The following TRHDE variants were observed in gnomAD, a reference collection of about 807,000 sequenced individuals.
TRHDE encodes the protein thyrotropin releasing hormone degrading enzyme.
Under a neutral mutation model 125.7 loss-of-function variants are expected in TRHDE, and 72 were observed. The ratio of observed to expected loss-of-function variants is 0.57; its 90% CI spans 0.47 to 0.70. The LOEUF is 0.70. TRHDE is among the 30% of genes least tolerant of loss of function. TRHDE has a pLI of 0.00. For missense variants in TRHDE, 1,110 were observed against 1,327.1 expected, an observed-to-expected ratio of 0.84 and a Z score of 2.54; for synonymous variants, 509 against 509.1, an observed-to-expected ratio of 1.00 and a Z score of 0.00.
chr12:72,643,885 A>G (rs1874170911), intron 15 of TRHDE, among the ~76,000 whole-genome samples: 2 of 152,328 alleles, frequency 1.3e-5, no homozygotes. Context: ...AGTAATTAAA[A>G]AAAGTTACAG....
intron 2 of TRHDE, among the ~76,000 whole-genome samples, chr12:72,194,574 T>G (rs984307201): frequency 6.6e-6 from 1 of 152,134 alleles, no homozygotes; most frequent in Non-Finnish European, 1.5e-5. Context: ...GTTGCCATCT[T>G]TATGTCCATG....
In TRHDE at chr12:72,475,827, T is replaced by TA. The variant is rs947682336; in HGVS notation, c.1584+2653dup. Among the ~76,000 whole-genome samples the TA allele has an allele frequency of 3.5e-4, 54 of 152,306 alleles. 1 individual carries two copies. Among genetic ancestry groups the TA allele is most frequent in the African/African-American group, 1.3e-3 (54 of 41,568 alleles). On this transcript the variant is annotated intron_variant, in intron 5 of 18. Coordinates refer to ENST00000261180, the MANE Select transcript of TRHDE (RefSeq NM_013381.3). ...TCACAGAAAACTCATCCTATTAAAG[T>TA]AAAAAATGAAATAATAAACTCCATC...
intron 2 of TRHDE, among the ~76,000 whole-genome samples, chr12:72,211,286 A>T (rs958610972): frequency 3.3e-5 from 5 of 152,158 alleles, no homozygotes; most frequent in African/African-American, 1.2e-4. Flanking sequence ...CATGAGGATG[A>T]AGGGCTTCAT....
rs577396957 is a variant in TRHDE at position 72,289,044 on chromosome 12, T to G, written c.1188+2090T>G. Among the ~76,000 whole-genome samples the G allele has an allele frequency of 5.3e-5, 8 of 152,304 alleles. No homozygotes were observed. The South Asian group carries it at 1.2e-3, about 24-fold the overall frequency. On this transcript the variant is annotated intron_variant, in intron 2 of 18. Transcript: ENST00000261180. ...CCTTTTTTCTGTCACTGTTTTGAAATCCAATCTGTTTTCTTTTCACTGCCT... is the reference window on the plus strand; with the variant it reads ...CCTTTTTTCTGTCACTGTTTTGAAAGCCAATCTGTTTTCTTTTCACTGCCT...
chr12:72,645,601 G>T (rs1253619589), intron 15 of TRHDE, among the ~76,000 whole-genome samples: 1 of 151,884 alleles, frequency 6.6e-6, no homozygotes, highest in East Asian at 1.9e-4. Flanking sequence ...AGAACGAAAT[G>T]GACATTCAGA....
At chr12:72,482,609 G>A (rs771177800) in intron 5 of TRHDE, among the ~76,000 whole-genome samples, 1 of 151,856 alleles carries the variant, frequency 6.6e-6, no homozygotes, top group Non-Finnish European at 1.5e-5. Context: ...AGCTTTGCTT[G>A]CAAGATAGGT....
intron 2 of TRHDE, among the ~76,000 whole-genome samples, chr12:72,138,272 G>A (rs1224769092): frequency 1.3e-5 from 2 of 152,156 alleles, no homozygotes; most frequent in Non-Finnish European, 2.9e-5. Context: ...CTACTCCGGA[G>A]GCTGAGGCAG....
intron 1 of TRHDE, among the ~76,000 whole-genome samples, chr12:72,093,509 T>C (rs923183542): frequency 1.3e-5 from 2 of 152,068 alleles, no homozygotes; most frequent in Admixed American, 6.5e-5. Flanking sequence ...TTTTACTCCT[T>C]TTCATTCTTT....
At chr12:72,456,371 T>C (rs1875853767) in intron 3 of TRHDE, among the ~76,000 whole-genome samples, 1 of 152,152 alleles carries the variant, frequency 6.6e-6, no homozygotes, top group African/African-American at 2.4e-5. Context: ...TGGACCTCTG[T>C]ATTTTAATAT....
chr12:72,523,129 C>T (rs1184879922), intron 6 of TRHDE, among the ~76,000 whole-genome samples: 2 of 151,806 alleles, frequency 1.3e-5, no homozygotes, highest in Non-Finnish European at 2.9e-5. Flanking sequence ...AGAAACTTGT[C>T]GCAAGTAAAA....
At chr12:72,267,942 C>A (rs141910939), upstream of TRHDE, among the ~76,000 whole-genome samples, 1 of 144,002 alleles carries the variant, frequency 6.9e-6, no homozygotes, top group Non-Finnish European at 1.5e-5. Flanking sequence ...AAGGGTAGTT[C>A]TTATATGAAA....
chr12:72,241,509 A>T (rs772418733), intron 2 of TRHDE, among the ~76,000 whole-genome samples: 1 of 152,182 alleles, frequency 6.6e-6, no homozygotes, highest in East Asian at 1.9e-4. Context: ...TTTATTATAA[A>T]TATGTACCAC....
intron 6 of TRHDE, among the ~76,000 whole-genome samples, chr12:72,523,447 T>G (rs912667892): frequency 6.6e-6 from 1 of 152,158 alleles, no homozygotes; most frequent in Non-Finnish European, 1.5e-5. Flanking sequence ...GTGATGTGGA[T>G]GTTTGCTTAG....
intron 2 of TRHDE, among the ~76,000 whole-genome samples, chr12:72,349,152 A>G (rs769473692): frequency 6.6e-6 from 1 of 152,070 alleles, no homozygotes; most frequent in Non-Finnish European, 1.5e-5. Flanking sequence ...ATAAAGTTGA[A>G]TTTAGCTAAG....
At chr12:72,409,113 C>T (rs892917057) in intron 3 of TRHDE, among the ~76,000 whole-genome samples, 1 of 152,062 alleles carries the variant, frequency 6.6e-6, no homozygotes, top group Admixed American at 6.5e-5. Context: ...CAGTGCACCA[C>T]ATACAAGTTA....
intron 3 of TRHDE, among the ~76,000 whole-genome samples, chr12:72,452,503 CCTTGT>C (rs1565747155): frequency 2.0e-5 from 3 of 152,068 alleles, no homozygotes; most frequent in African/African-American, 7.2e-5. Context: ...GTGTGGGCAT[CCTTGT>C]CTTGTTCTGG....
intron 15 of TRHDE, among the ~76,000 whole-genome samples, chr12:72,643,973 G>C (rs1565821654): frequency 6.6e-6 from 1 of 152,168 alleles, no homozygotes; most frequent in Non-Finnish European, 1.5e-5. Flanking sequence ...TCACTGGTTA[G>C]GCCCAGGTCA....
chr12:72,638,949 A>T (rs1218425821), intron 15 of TRHDE, among the ~76,000 whole-genome samples: 3 of 151,096 alleles, frequency 2.0e-5, no homozygotes, highest in Non-Finnish European at 4.4e-5. Context: ...TTTTTCCTTC[A>T]TTTCAACTTT....
intron 6 of TRHDE, among the ~76,000 whole-genome samples, chr12:72,531,496 C>T (rs1868553170): frequency 6.6e-6 from 1 of 151,998 alleles, no homozygotes; most frequent in Non-Finnish European, 1.5e-5. Flanking sequence ...CTTTATACTT[C>T]ATACTTTTTG....
Sources: gnomAD v4.1 joint callset for allele counts (sites outside exome capture counted in the v4.1 genomes callset) on GRCh38, gnomAD v4.1.1 for gene constraint, MANE v1.5 for transcripts, NCBI Gene and HGNC (gene_info 2026-07-23, HGNC 2026-07-21) for gene names.